The following ADAMTS18 variants were observed in gnomAD, a reference collection of about 807,000 sequenced individuals.
ADAMTS18 encodes the protein ADAM metallopeptidase with thrombospondin type 1 motif 18.
ADAMTS18 carries 157 observed loss-of-function variants against 165.9 expected under a neutral mutation model. The ratio of observed to expected loss-of-function variants is 0.95; its 90% confidence interval spans 0.83 to 1.08. The LOEUF (loss-of-function observed/expected upper bound fraction) is 1.08. Ranked by LOEUF, ADAMTS18 falls within the 50% of genes least tolerant of loss-of-function variation. ADAMTS18 has a pLI of 0.00. For synonymous variants in ADAMTS18, 782 were observed against 578.2 expected, an observed-to-expected ratio of 1.35 and a Z score of -5.06; for missense variants, 2,040 against 1,534.0, an observed-to-expected ratio of 1.33 and a Z score of -5.51.
At chr16:77,334,578 A>AC (rs1226627682) in intron 12 of ADAMTS18, among the ~76,000 whole-genome samples, 65 of 112,070 alleles carry the variant, frequency 5.8e-4, no homozygotes, top group African/African-American at 2.3e-3. Context: ...TATATAGTAT[A>AC]TATTATAGTA....
At chr16:77,290,049 G>A (rs1359923276) in intron 21 of ADAMTS18, among the ~76,000 whole-genome samples, 2 of 152,028 alleles carry the variant, frequency 1.3e-5, no homozygotes, top group Non-Finnish European at 2.9e-5. Flanking sequence ...CCCTTTAAAT[G>A]GATTTTTCTT....
At chr16:77,426,404 A>T (rs1165470180) in intron 3 of ADAMTS18, among the ~76,000 whole-genome samples, 1 of 152,196 alleles carries the variant, frequency 6.6e-6, no homozygotes, top group Non-Finnish European at 1.5e-5. Context: ...AAACAGAGTT[A>T]AACAGGTGTC....
chr16:77,432,039 G>T (rs936063183), intron 2 of ADAMTS18, among the ~76,000 whole-genome samples: 3 of 152,116 alleles, frequency 2.0e-5, no homozygotes, highest in East Asian at 1.9e-4. Context: ...TCTTCAAGGA[G>T]GTTAATTTCT....
Position 77,282,317 on chromosome 16 carries a change from A to G in ADAMTS18, c.*1639T>C, listed in dbSNP as rs1193689047. The G allele has an allele frequency of 6.6e-6, 1 of 152,132 alleles. No individual in the cohort carries two copies. Among genetic ancestry groups the G allele is most frequent in the Non-Finnish European group, 1.5e-5 (1 of 68,018 alleles). The allele number at this position is 152,132 out of a possible 1,614,324, so 9.4% of individuals were successfully genotyped here. A position where few individuals can be genotyped will look rare whatever the true frequency, so the allele number is the denominator to read the frequency against. On this transcript the variant is annotated 3_prime_UTR_variant, in exon 23 of 23. Transcript: ENST00000282849. Reference sequence around the variant, plus strand: ...AAATTAATTTTCCATAAAATAATAAAATGATAATTATATAAAGAAATAACT... The same window carrying G: ...AAATTAATTTTCCATAAAATAATAAGATGATAATTATATAAAGAAATAACT...
rs143868815 is a variant in ADAMTS18 at position 77,370,408 on chromosome 16, A to G, written c.496-2685T>C. Among the ~76,000 whole-genome samples the G allele has an allele frequency of 1.7e-3, 261 of 152,314 alleles. 1 individual carries two copies. The highest frequency in any genetic ancestry group is 5.8e-3 in the African/African-American group (240 of 41,572). On this transcript the variant is annotated intron_variant, in intron 3 of 22. Coordinates refer to ENST00000282849, the MANE Select transcript of ADAMTS18 (RefSeq NM_199355.4). ...TTGTAGGACGCAAAAATCAACACAAAACATCAGTAGCATTTCTATATGCCA... is the reference window on the plus strand; with the variant it reads ...TTGTAGGACGCAAAAATCAACACAAGACATCAGTAGCATTTCTATATGCCA...
At chr16:77,406,503 T>A (rs542894485) in intron 3 of ADAMTS18, among the ~76,000 whole-genome samples, 15 of 152,030 alleles carry the variant, frequency 9.9e-5, no homozygotes, top group Admixed American at 8.5e-4. Context: ...AATAAATAAA[T>A]AAACAAATAA....
At position 77,414,480 on chromosome 16, in the gene ADAMTS18, A is replaced by G. The variant is rs186454090; in HGVS notation, c.495+16815T>C. On this transcript the variant is annotated intron_variant, in intron 3 of 22. Transcript: ENST00000282849. ...AATACCAGTTTTAAGGAATTGGATT[A>G]AAATATAATACCAACATAAATTTTC... is the stretch of plus-strand genomic sequence containing the variant. Among the ~76,000 whole-genome samples, 52 of 152,366 alleles carry G rather than the reference A, an allele frequency of 3.4e-4. 1 individual carries two copies. The highest frequency in any genetic ancestry group is 1.3e-3 in the African/African-American group (52 of 41,588).
rs1180863111 is a variant in ADAMTS18, at chr16:77,291,291, CCAGCTACCATG to C, written c.3366_3376del (p.Asn1122LysfsTer48). On this transcript the variant is annotated frameshift_variant, in exon 21 of 23. Transcript: ENST00000282849. LOFTEE classifies it high-confidence loss of function. ...CTGCTGCCACGGCAATGAATACCATCCAGCTACCATGTTGTACACTGGATGGGCTGGGCAAG... is the reference window on the plus strand; with the variant it reads ...CTGCTGCCACGGCAATGAATACCATCTTGTACACTGGATGGGCTGGGCAAG... The C allele has an allele frequency of 6.2e-7, 1 of 1,614,072 alleles. No homozygotes were observed. The highest frequency in any genetic ancestry group is 1.3e-5 in the African/African-American group (1 of 74,958).
chr16:77,416,181 C>T (rs2057527612), intron 3 of ADAMTS18, among the ~76,000 whole-genome samples: 1 of 152,100 alleles, frequency 6.6e-6, no homozygotes, highest in Admixed American at 6.5e-5. Flanking sequence ...AAGAAATAAT[C>T]AGATGGATAC....
intron 3 of ADAMTS18, among the ~76,000 whole-genome samples, chr16:77,406,654 G>A (rs555041608): frequency 4.6e-5 from 7 of 152,044 alleles, no homozygotes; most frequent in African/African-American, 7.2e-5. Flanking sequence ...AAAGACACAC[G>A]CACTCATATG....
At chr16:77,407,921 A>C (rs1031666110) in intron 3 of ADAMTS18, among the ~76,000 whole-genome samples, 1 of 152,148 alleles carries the variant, frequency 6.6e-6, no homozygotes, top group African/African-American at 2.4e-5. Context: ...AATTGCGAGA[A>C]ATTAAAATTT....
At position 77,341,763 on chromosome 16, in the gene ADAMTS18, G is replaced by A; in HGVS notation, c.1651C>T (p.His551Tyr). ...GGCATAAACTTGGTCTCACACCTGT[G>A]GCCTACTCGGTGGCACCAAAGTGAT... ...CKSLWCHRVGHRCETKFMPAA... is the reference protein window; with the variant it reads ...CKSLWCHRVGYRCETKFMPAA... The change falls in exon 11 of 23, where the codon CAC (histidine) becomes TAC (tyrosine). Residue 551 changes from histidine (H) to tyrosine (Y), a missense_variant. By Grantham distance (83) the His-to-Tyr change is moderately conservative (BLOSUM62 2). Coordinates refer to ENST00000282849, the MANE Select transcript of ADAMTS18 (RefSeq NM_199355.4). 6.2e-7 allele frequency: 1 copy of A among 1,613,310 alleles called. No individual in the cohort carries two copies.
intron 3 of ADAMTS18, among the ~76,000 whole-genome samples, chr16:77,409,021 A>C (rs1209462624): frequency 6.6e-6 from 1 of 151,098 alleles, no homozygotes; most frequent in Non-Finnish European, 1.5e-5. Context: ...ATTTATGTTA[A>C]ACTTTATCAT....
At chr16:77,418,888 C>T (rs539623914) in intron 3 of ADAMTS18, among the ~76,000 whole-genome samples, 2 of 152,316 alleles carry the variant, frequency 1.3e-5, no homozygotes, top group Admixed American at 6.5e-5. Flanking sequence ...CGGCAGCTCA[C>T]GCCTGTAATC....
chr16:77,335,940 G>A, intron 11 of ADAMTS18, 36 bp from the exon 12 acceptor site: 1 of 1,613,782 alleles, frequency 6.2e-7, no homozygotes, highest in East Asian at 2.2e-5. Context: ...TCCCGTCAGA[G>A]ACCACCTGGG....
intron 3 of ADAMTS18, among the ~76,000 whole-genome samples, chr16:77,401,603 T>C (rs563841867): frequency 1.4e-3 from 212 of 152,314 alleles, no homozygotes; most frequent in African/African-American, 4.9e-3. Context: ...ATGAACTTTA[T>C]GTATCAAATT....
rs542147702 is a variant in ADAMTS18, at chr16:77,401,842, C to T, written c.495+29453G>A. On this transcript the variant is annotated intron_variant, in intron 3 of 22. Transcript: ENST00000282849. ...TCTTTTCTTGAGCAAGGATATCCATCTTCTTCTGCCCTAGGACATCCACAC... is the reference window on the plus strand; with the variant it reads ...TCTTTTCTTGAGCAAGGATATCCATTTTCTTCTGCCCTAGGACATCCACAC... Among the ~76,000 whole-genome samples the T allele has an allele frequency of 3.7e-4, 56 of 152,302 alleles. No homozygotes were observed. In the South Asian group the frequency reaches 5.6e-3, roughly 15 times the overall value.
chr16:77,337,295 G>C lies in ADAMTS18; in HGVS notation c.1711-1391C>G, dbSNP rs186141383. On this transcript the variant is annotated intron_variant, in intron 11 of 22. Transcript: ENST00000282849. ...GGACTCTACTGGACTGAGTTCAGTGGCTGAGACAAAATTACAATAGCCAAT... is the reference window on the plus strand; with the variant it reads ...GGACTCTACTGGACTGAGTTCAGTGCCTGAGACAAAATTACAATAGCCAAT... 1.7e-3 allele frequency among the ~76,000 whole-genome samples: 252 copies of C among 152,246 alleles called. 2 individuals are homozygous for C. Among genetic ancestry groups the C allele is most frequent in the African/African-American group, 5.8e-3 (241 of 41,528 alleles).
intron 15 of ADAMTS18, 144 bp from the exon 16 acceptor site, chr16:77,320,237 A>G (rs2055970826): frequency 9.7e-7 from 1 of 1,027,002 alleles, no homozygotes; most frequent in African/African-American, 1.6e-5. Flanking sequence ...CTATGAAGTA[A>G]ACATGATCAA....
Sources: allele counts gnomAD v4.1 joint callset (sites outside exome capture counted in the v4.1 genomes callset), GRCh38; gene constraint gnomAD v4.1.1; transcripts MANE v1.5; gene names NCBI Gene and HGNC (gene_info 2026-07-23, HGNC 2026-07-21).